SUPV3L1: variants seen among roughly 807,000 people sequenced by gnomAD.
SUPV3L1 encodes ATP-dependent RNA helicase SUPV3L1, mitochondrial.
SUPV3L1 carries 35 observed loss-of-function variants against 70.0 expected under a neutral mutation model. The observed-to-expected ratio is 0.50, with a 90% CI of 0.38 to 0.66. The LOEUF is 0.66. Ranked by LOEUF, SUPV3L1 falls within the 30% of genes least tolerant of loss-of-function variation. The probability of loss-of-function intolerance (pLI) is 0.00; values close to 1 mark genes in which losing one functional copy is unlikely to be tolerated. For synonymous variants in SUPV3L1, 364 were observed against 341.9 expected, an observed-to-expected ratio of 1.06 and a Z score of -0.71; for missense variants, 777 against 961.5, an observed-to-expected ratio of 0.81 and a Z score of 2.54.
intron 3 of SUPV3L1, among the ~76,000 whole-genome samples, chr10:69,186,903 A>T (rs1842246982): frequency 6.6e-6 from 1 of 152,158 alleles, no homozygotes; most frequent in South Asian, 2.1e-4. Flanking sequence ...GAAAAAAAAA[A>T]AGTCAAAATA....
At chr10:69,199,678 C>T (rs1842634045) in intron 10 of SUPV3L1, among the ~76,000 whole-genome samples, 1 of 151,858 alleles carries the variant, frequency 6.6e-6, no homozygotes. Context: ...CCACTACACT[C>T]GGCCCACACT....
At chr10:69,207,490 G>GT (rs1421213950) in intron 13 of SUPV3L1, among the ~76,000 whole-genome samples, 1 of 151,960 alleles carries the variant, frequency 6.6e-6, no homozygotes, top group East Asian at 1.9e-4. Flanking sequence ...AATTCTTTGT[G>GT]TTTTTTGTAT....
At chr10:69,186,578 C>T in intron 3 of SUPV3L1, 28 bp downstream of exon 3, 2 of 1,547,814 alleles carry the variant, frequency 1.3e-6, no homozygotes, top group Non-Finnish European at 1.8e-6. Context: ...TTTTAAAATC[C>T]TATTGAACAT....
chr10:69,188,456 C>G (rs1441705693), intron 4 of SUPV3L1, among the ~76,000 whole-genome samples: 1 of 152,000 alleles, frequency 6.6e-6, no homozygotes, highest in Non-Finnish European at 1.5e-5. Flanking sequence ...GGCCCATGTC[C>G]CCACACATTT....
At chr10:69,200,196 G>C in intron 10 of SUPV3L1, 84 bp from the exon 11 acceptor site, 2 of 1,118,294 alleles carry the variant, frequency 1.8e-6, no homozygotes, top group South Asian at 2.9e-5. Context: ...ACCTAAGCTA[G>C]TATTGGAGTG....
At chr10:69,184,531 G>C (rs1842161786) in intron 1 of SUPV3L1, among the ~76,000 whole-genome samples, 1 of 151,548 alleles carries the variant, frequency 6.6e-6, no homozygotes, top group Non-Finnish European at 1.5e-5. Context: ...GTGAAACACT[G>C]TCTCCAAGAA....
At chr10:69,185,504 C>CTTTT (rs35590294) in intron 1 of SUPV3L1, among the ~76,000 whole-genome samples, 1 of 139,516 alleles carries the variant, frequency 7.2e-6, no homozygotes, top group Non-Finnish European at 1.5e-5. Flanking sequence ...TCATTTTTCT[C>CTTTT]TTTTTTTTTT....
In SUPV3L1 at chr10:69,186,426, A is replaced by G. The variant is rs763753807; in HGVS notation, c.350-17A>G. On this transcript the variant is annotated splice_polypyrimidine_tract_variant and intron_variant, in intron 2 of 14. Coordinates refer to ENST00000359655, the MANE Select transcript of SUPV3L1 (RefSeq NM_003171.5). ...TGAGAACTACACCTTACATCTTTTC[A>G]TTTTGTGTTTCTACAGCTCGTCTCT... is the stretch of plus-strand genomic sequence containing the variant. 5 of 1,588,902 alleles carry G rather than the reference A, an allele frequency of 3.1e-6. No individual in the cohort carries two copies. The South Asian group carries it at 3.3e-5, about 11-fold the overall frequency.
At chr10:69,206,371 C>T (rs1399994368) in intron 13 of SUPV3L1, among the ~76,000 whole-genome samples, 1 of 152,182 alleles carries the variant, frequency 6.6e-6, no homozygotes, top group Non-Finnish European at 1.5e-5. Flanking sequence ...GAGATAATTT[C>T]CCCTAATCAG....
intron 10 of SUPV3L1, among the ~76,000 whole-genome samples, chr10:69,199,847 G>T (rs543691457): frequency 6.6e-6 from 1 of 151,092 alleles, no homozygotes; most frequent in African/African-American, 2.5e-5. Context: ...ATTTATTTAT[G>T]TATTTATTTA....
chr10:69,186,687 T>C lies in SUPV3L1; in HGVS notation c.457+137T>C, dbSNP rs73276583. 9,084 of 692,956 alleles carry C rather than the reference T, an allele frequency of 0.013. 624 individuals are homozygous for C. The African/African-American group carries it at 0.15, about 11-fold the overall frequency. The allele number at this position is 692,956 out of a possible 1,614,324, so 42.9% of individuals were successfully genotyped here. A position where few individuals can be genotyped will look rare whatever the true frequency, so the allele number is the denominator to read the frequency against. On this transcript the variant is annotated intron_variant, in intron 3 of 14. Transcript: ENST00000359655. Reference sequence around the variant, plus strand: ...CATCCTCTGTAAATAATTCAGTGCTTTCACAGGATGACTTCTAGGTTGTTT... The same window carrying C: ...CATCCTCTGTAAATAATTCAGTGCTCTCACAGGATGACTTCTAGGTTGTTT...
chr10:69,186,091 G>A (rs1390065465), intron 2 of SUPV3L1, 27 bp downstream of exon 2: 3 of 1,591,444 alleles, frequency 1.9e-6, no homozygotes, highest in South Asian at 1.1e-5. Context: ...CTTCATAGAG[G>A]TATTTTATTA....
At position 69,200,468 on chromosome 10, in the gene SUPV3L1, A is replaced by G. The variant is rs765244465; in HGVS notation, c.1487A>G (p.Glu496Gly). Residue 496 changes from glutamate to glycine, a missense_variant, in exon 11 of 15, where the codon GAA becomes GGA. Physicochemically the swap from Glu to Gly is moderately conservative, Grantham distance 98. Coordinates refer to ENST00000359655, the MANE Select transcript of SUPV3L1 (RefSeq NM_003171.5). ...CATGAAGATCTCAGTTTATTAAAGG[A>G]AATTTTGAAGAGGCCTGTGGATCCT... ...MNHEDLSLLK[E>G]ILKRPVDPIR... is the part of the protein sequence containing the mutation. 1.9e-6 allele frequency: 3 copies of G among 1,613,962 alleles called. No individual in the cohort carries two copies. In the African/African-American group the frequency reaches 4.0e-5, roughly 22 times the overall value.
intron 13 of SUPV3L1, 37 bp downstream of exon 13, chr10:69,203,080 T>G: frequency 6.4e-7 from 1 of 1,567,160 alleles, no homozygotes; most frequent in Non-Finnish European, 8.7e-7. Flanking sequence ...GAGTTCCTTC[T>G]GGTTGATGCA....
At chr10:69,189,206 G>C (rs1842318813) in intron 4 of SUPV3L1, 61 bp from the exon 5 acceptor site, 2 of 1,528,698 alleles carry the variant, frequency 1.3e-6, no homozygotes, top group African/African-American at 2.8e-5. Flanking sequence ...TTCATTTGCT[G>C]TCTTTGCCAG....
intron 12 of SUPV3L1, 119 bp from the exon 13 acceptor site, chr10:69,202,748 C>A: frequency 1.7e-6 from 2 of 1,148,984 alleles, no homozygotes; most frequent in Non-Finnish European, 2.5e-6. Context: ...TTAAAGCAAG[C>A]CTTTATGGAA....
rs554113988 is a variant in SUPV3L1, at chr10:69,205,249, G to A, written c.1776+2206G>A. Among the ~76,000 whole-genome samples, 32 of 152,354 alleles carry A rather than the reference G, an allele frequency of 2.1e-4. No individual in the cohort carries two copies. The South Asian group carries it at 5.8e-3, about 28-fold the overall frequency. ...GTTTATGGAACAGTCTTGAACTGCTGTAAACTGACCTGAGTGGAACTCAGT... is the reference window on the plus strand; with the variant it reads ...GTTTATGGAACAGTCTTGAACTGCTATAAACTGACCTGAGTGGAACTCAGT... On this transcript the variant is annotated intron_variant, in intron 13 of 14. Transcript: ENST00000359655.
chr10:69,198,625 A>G, intron 9 of SUPV3L1, 73 bp downstream of exon 9: 1 of 1,438,326 alleles, frequency 7.0e-7, no homozygotes, highest in South Asian at 1.3e-5. Context: ...ATATATATAA[A>G]AAAATGGTAA....
chr10:69,191,257 A>G lies in SUPV3L1; in HGVS notation c.742-398A>G, dbSNP rs554485776. Among the ~76,000 whole-genome samples the G allele has an allele frequency of 2.0e-3, 279 of 138,284 alleles. 2 individuals are homozygous for G. Among genetic ancestry groups the G allele is most frequent in the African/African-American group, 7.1e-3 (265 of 37,316 alleles). The allele number at this position is 138,284 out of a possible 152,430, so 90.7% of individuals were successfully genotyped here. On this transcript the variant is annotated intron_variant, in intron 5 of 14. Transcript: ENST00000359655. The stretch of plus-strand genomic sequence containing the variant: ...ATTTTTTTTTTTTTTTTTTTGAGAC[A>G]GTCTTGCTCTGTCTCCAGGCTGGAG...
Sources: allele counts gnomAD v4.1 joint callset (sites outside exome capture counted in the v4.1 genomes callset), GRCh38; gene constraint gnomAD v4.1.1; transcripts MANE v1.5; gene names NCBI Gene and HGNC (gene_info 2026-07-23, HGNC 2026-07-21).